Variants in CAPN2 observed in about 807,000 individuals in gnomAD.
CAPN2 encodes the protein calpain-2 catalytic subunit.
In CAPN2, 92 loss-of-function variants were observed where a neutral mutation model predicts 102.3. The ratio of observed to expected loss-of-function variants is 0.90; its 90% CI spans 0.76 to 1.07. The LOEUF (loss-of-function observed/expected upper bound fraction) is 1.07. Among genes scored for constraint, CAPN2 ranks in the 50% least tolerant of loss-of-function variants. The probability of loss-of-function intolerance (pLI) is 0.00; values close to 1 mark genes in which losing one functional copy is unlikely to be tolerated. For synonymous variants in CAPN2, 340 were observed against 355.4 expected, an observed-to-expected ratio of 0.96 and a Z score of 0.49; for missense variants, 800 against 909.4, an observed-to-expected ratio of 0.88 and a Z score of 1.55.
chr1:223,748,683 CT>C (rs1188777542), intron 5 of CAPN2, among the ~76,000 whole-genome samples: 7 of 148,826 alleles, frequency 4.7e-5, no homozygotes, highest in African/African-American at 1.6e-4. Flanking sequence ...GCCGTGCGCC[CT>C]TTCCCTGCGC....
chr1:223,736,351 T>G (rs997374296), intron 2 of CAPN2, among the ~76,000 whole-genome samples: 1 of 152,098 alleles, frequency 6.6e-6, no homozygotes, highest in African/African-American at 2.4e-5. Flanking sequence ...ATCGGGCAGG[T>G]GCCTCCTGGT....
upstream of CAPN2, among the ~76,000 whole-genome samples, chr1:223,708,855 T>G (rs1659670271): frequency 1.1e-4 from 11 of 98,972 alleles, no homozygotes; most frequent in South Asian, 3.2e-4. Context: ...AAAGAAAAAA[T>G]AGAGAAAAAG....
chr1:223,702,694 G>A (rs1343388420), intron 1 of CAPN2, among the ~76,000 whole-genome samples: 6 of 152,196 alleles, frequency 3.9e-5, no homozygotes, highest in Non-Finnish European at 8.8e-5. Context: ...CCGGCCAGTG[G>A]AAGTGTCCTG....
At chr1:223,713,117 A>G (rs7366009) in intron 1 of CAPN2, among the ~76,000 whole-genome samples, 16,710 of 152,192 alleles carry the variant, frequency 0.11, 1,570 homozygotes, top group African/African-American at 0.23. Flanking sequence ...GGGCGGGTCG[A>G]GGCGAATCAC....
chr1:223,712,629 CG>C lies in CAPN2; in HGVS notation c.-9del, dbSNP rs1187955825. The stretch of plus-strand genomic sequence containing the variant: ...ACCTTTCTCTGCGCAGTACGGCCGC[CG>C]GGACCGCAGCATGGCGGGCATCGCG... On this transcript the variant is annotated 5_prime_UTR_variant, in exon 1 of 21. Transcript: ENST00000295006. 5.3e-6 allele frequency: 8 copies of C among 1,514,374 alleles called. No individual in the cohort carries two copies. The highest frequency in any genetic ancestry group is 7.1e-6 in the Non-Finnish European group (8 of 1,130,758). 93.8% of individuals were successfully genotyped at this position (1,514,374 alleles called of 1,614,324 possible).
At chr1:223,735,291 G>A (rs1368966129) in intron 2 of CAPN2, among the ~76,000 whole-genome samples, 1 of 152,136 alleles carries the variant, frequency 6.6e-6, no homozygotes, top group Non-Finnish European at 1.5e-5. Flanking sequence ...TCTTTGGGTG[G>A]CCAAGGCGGG....
intron 12 of CAPN2, among the ~76,000 whole-genome samples, chr1:223,760,003 G>A (rs1040610866): frequency 6.6e-6 from 1 of 152,168 alleles, no homozygotes; most frequent in African/African-American, 2.4e-5. Flanking sequence ...CTTTGTGGCT[G>A]ACATCACCAT....
chr1:223,709,679 C>A (rs1659690364), upstream of CAPN2, among the ~76,000 whole-genome samples: 1 of 139,218 alleles, frequency 7.2e-6, no homozygotes, highest in African/African-American at 2.7e-5. Flanking sequence ...AAAAAGAGTC[C>A]ATTTAACTTG....
chr1:223,768,416 C>G (rs1256891986), intron 16 of CAPN2, among the ~76,000 whole-genome samples: 1 of 150,336 alleles, frequency 6.7e-6, no homozygotes, highest in African/African-American at 2.4e-5. Context: ...TATGGCTAGC[C>G]AGTTTTCCCA....
At chr1:223,772,366 C>A in intron 20 of CAPN2, 127 bp downstream of exon 20, 3 of 708,170 alleles carry the variant, frequency 4.2e-6, no homozygotes, top group Non-Finnish European at 7.2e-6. Context: ...CGGGGCCAGG[C>A]CTGTAACCGG....
chr1:223,744,194 C>A lies in CAPN2; in HGVS notation c.402C>A (p.Asn134Lys), dbSNP rs763362805. The change falls in exon 3 of 21, where the codon AAC becomes AAA. Residue 134 changes from asparagine to lysine, a missense_variant. By Grantham distance (94) the Asn-to-Lys change is moderately conservative. Transcript: ENST00000295006. ...VVPLNQSFQE[N>K]YAGIFHFQFW... is the part of the protein sequence containing the mutation. ...CCCTAAACCAGAGCTTCCAGGAAAA[C>A]TATGCAGGGATCTTTCACTTCCAGG... 1 of 1,613,070 alleles carries A rather than the reference C, an allele frequency of 6.2e-7. No homozygotes were observed. The highest frequency in any genetic ancestry group is 8.5e-7 in the Non-Finnish European group (1 of 1,179,036).
In CAPN2 at chr1:223,750,991, G is replaced by A; in HGVS notation, c.899+16G>A. On this transcript the variant is annotated intron_variant, in intron 7 of 20. Coordinates refer to ENST00000295006, the MANE Select transcript of CAPN2 (RefSeq NM_001748.5). ...GGAATGACAAGTGAGGAGGGCGCAG[G>A]CCTCGGGGCCCCAGGCGGGGGTGCA... is the stretch of plus-strand genomic sequence containing the variant. 1.9e-6 allele frequency: 3 copies of A among 1,549,782 alleles called. No individual in the cohort carries two copies. The South Asian group carries it at 3.6e-5, about 18-fold the overall frequency.
chr1:223,708,389 A>C (rs1172468845), upstream of CAPN2, among the ~76,000 whole-genome samples: 1 of 150,762 alleles, frequency 6.6e-6, no homozygotes. Context: ...GCGCCATTGC[A>C]CTCCAGCCCG....
chr1:223,707,266 CTCTCTT>C (rs1275719408), intron 1 of CAPN2, among the ~76,000 whole-genome samples: 1 of 152,132 alleles, frequency 6.6e-6, no homozygotes, highest in East Asian at 1.9e-4. Flanking sequence ...TTCTCTCTCT[CTCTCTT>C]TCTATCTCTC....
At chr1:223,747,232 C>A in intron 5 of CAPN2, 67 bp downstream of exon 5, 1 of 1,452,394 alleles carries the variant, frequency 6.9e-7, no homozygotes. Flanking sequence ...TCCCACAGTG[C>A]CCAAGGGAAC....
intron 8 of CAPN2, 39 bp downstream of exon 8, chr1:223,752,110 C>G: frequency 2.1e-6 from 3 of 1,395,814 alleles, no homozygotes; most frequent in Non-Finnish European, 3.0e-6. Context: ...CTCTGTCTGC[C>G]CCAATGTTCT....
At chr1:223,774,686 G>T in intron 20 of CAPN2, 148 bp from the exon 21 acceptor site, 1 of 678,102 alleles carries the variant, frequency 1.5e-6, no homozygotes. Flanking sequence ...TAGAAATCAG[G>T]TAAGAAAAAT....
At chr1:223,741,197 A>C (rs1660601308) in intron 2 of CAPN2, among the ~76,000 whole-genome samples, 1 of 152,030 alleles carries the variant, frequency 6.6e-6, no homozygotes, top group South Asian at 2.1e-4. Flanking sequence ...TATTAAAATA[A>C]AGGAAAGAAG....
At chr1:223,715,534 G>A (rs1288999890) in intron 1 of CAPN2, among the ~76,000 whole-genome samples, 4 of 152,162 alleles carry the variant, frequency 2.6e-5, no homozygotes, top group African/African-American at 4.8e-5. Context: ...AGCAGGAGGA[G>A]CTGCTCTTCC....
Sources: gnomAD v4.1 joint callset for allele counts (sites outside exome capture counted in the v4.1 genomes callset) on GRCh38, gnomAD v4.1.1 for gene constraint, MANE v1.5 for transcripts, NCBI Gene and HGNC (gene_info 2026-07-23, HGNC 2026-07-21) for gene names.